PDE1C: variants seen among roughly 807,000 people sequenced by gnomAD.
PDE1C encodes phosphodiesterase 1C.
In PDE1C, 62 loss-of-function variants were observed where a neutral mutation model predicts 93.1. That is an observed-to-expected ratio of 0.67 (90% CI 0.54 to 0.82). The LOEUF (loss-of-function observed/expected upper bound fraction) is 0.82. Ranked by LOEUF, PDE1C falls within the 40% of genes least tolerant of loss-of-function variation. The pLI is 0.00. For synonymous variants in PDE1C, 325 were observed against 310.1 expected (o/e 1.05, Z -0.50); for missense variants, 742 against 884.6 (o/e 0.84, Z 2.04).
intron 1 of PDE1C, among the ~76,000 whole-genome samples, chr7:32,069,717 A>C (rs1795800866): frequency 6.6e-6 from 1 of 152,028 alleles, no homozygotes; most frequent in African/African-American, 2.4e-5. Context: ...TTGCAAGAAA[A>C]CCCCAATATC....
chr7:31,972,846 C>T (rs564752040), intron 2 of PDE1C, among the ~76,000 whole-genome samples: 2 of 152,210 alleles, frequency 1.3e-5, no homozygotes, highest in African/African-American at 2.4e-5. Context: ...CCAGGCAGCC[C>T]GAGGAAGCAC....
intron 3 of PDE1C, among the ~76,000 whole-genome samples, chr7:32,124,940 C>T (rs570303502): frequency 6.6e-6 from 1 of 152,144 alleles, no homozygotes; most frequent in African/African-American, 2.4e-5. Context: ...AGGCAACCTA[C>T]AGAATGGGAG....
intron 1 of PDE1C, among the ~76,000 whole-genome samples, chr7:32,285,647 G>A (rs989436415): frequency 6.6e-6 from 1 of 150,836 alleles, no homozygotes; most frequent in Non-Finnish European, 1.5e-5. Flanking sequence ...GCTGAAGAAA[G>A]GGAAAAGAAA....
chr7:31,865,124 G>C (rs372969808), intron 6 of PDE1C, 42 bp from the exon 7 acceptor site: 4 of 1,608,754 alleles, frequency 2.5e-6, no homozygotes, highest in Non-Finnish European at 3.4e-6. Context: ...TGACTTCACT[G>C]CTTTCAATGG....
chr7:31,964,010 A>G (rs1338666266), intron 2 of PDE1C, among the ~76,000 whole-genome samples: 4 of 152,212 alleles, frequency 2.6e-5, no homozygotes, highest in Non-Finnish European at 5.9e-5. Context: ...GCTGGGAGCT[A>G]TCTACAGCTC....
intron 1 of PDE1C, among the ~76,000 whole-genome samples, chr7:32,237,451 A>G (rs1374744849): frequency 6.6e-6 from 1 of 152,014 alleles, no homozygotes; most frequent in African/African-American, 2.4e-5. Context: ...GGATTACACA[A>G]TGGAGTTTCT....
chr7:32,013,576 G>T (rs1787460884), intron 2 of PDE1C, among the ~76,000 whole-genome samples: 1 of 152,152 alleles, frequency 6.6e-6, no homozygotes, highest in African/African-American at 2.4e-5. Context: ...CAAAGGCAGA[G>T]GAGAATAAAG....
intron 9 of PDE1C, among the ~76,000 whole-genome samples, chr7:31,841,173 CAATGGTTTGCTGCT>C (rs1036184974): frequency 6.7e-6 from 1 of 149,916 alleles, no homozygotes; most frequent in African/African-American, 2.5e-5. Flanking sequence ...TTTTATTTTC[CAATGGTTTGCTGCT>C]AGTGTCTCTC....
intron 7 of PDE1C, among the ~76,000 whole-genome samples, chr7:31,859,101 T>C (rs1040569881): frequency 6.8e-6 from 1 of 147,854 alleles, no homozygotes. Flanking sequence ...GAAACTATCA[T>C]AATATATGAT....
At chr7:31,707,507 T>C in the PDE1C span, 5 of 501,250 alleles carry the variant, frequency 1.0e-5, no homozygotes, top group East Asian at 6.6e-5. Context: ...TTTTATTTTC[T>C]AATGCAGTGG....
intron 2 of PDE1C, among the ~76,000 whole-genome samples, chr7:31,904,642 T>C (rs534482628): frequency 3.3e-5 from 5 of 151,916 alleles, no homozygotes; most frequent in Admixed American, 6.6e-5. Flanking sequence ...AGGTGGTCCA[T>C]CATTTCTCTA....
At chr7:31,969,087 TA>T in intron 2 of PDE1C, among the ~76,000 whole-genome samples, 1 of 152,276 alleles carries the variant, frequency 6.6e-6, no homozygotes, top group Non-Finnish European at 1.5e-5. Context: ...ATTCCAGGTC[TA>T]AAACACCAAA....
intron 1 of PDE1C, among the ~76,000 whole-genome samples, chr7:32,368,688 TAGCCAAAGCAATCCTA>T (rs1784269504): frequency 6.6e-6 from 1 of 152,030 alleles, no homozygotes; most frequent in Admixed American, 6.6e-5. Context: ...AAAGACACAA[TAGCCAAAGCAATCCTA>T]AGCAAAAAGA....
intron 1 of PDE1C, among the ~76,000 whole-genome samples, chr7:32,400,635 T>C (rs1784924282): frequency 6.6e-6 from 1 of 152,222 alleles, no homozygotes; most frequent in Non-Finnish European, 1.5e-5. Flanking sequence ...GAGTTCACAT[T>C]GGAAAACACT....
At chr7:31,858,705 CATG>C (rs1230751712) in intron 7 of PDE1C, among the ~76,000 whole-genome samples, 1 of 152,016 alleles carries the variant, frequency 6.6e-6, no homozygotes, top group Non-Finnish European at 1.5e-5. Context: ...TGTTGCTAGT[CATG>C]ATTACTTATG....
chr7:31,628,692 G>A, the PDE1C span, among the ~76,000 whole-genome samples: 1 of 152,020 alleles, frequency 6.6e-6, no homozygotes, highest in Admixed American at 6.6e-5. Context: ...TCCTGACCTT[G>A]TGATCCGCCC....
At chr7:32,372,460 C>T (rs887242908) in intron 1 of PDE1C, among the ~76,000 whole-genome samples, 2 of 152,132 alleles carry the variant, frequency 1.3e-5, no homozygotes, top group African/African-American at 2.4e-5. Context: ...AAGTTCGACC[C>T]TTCCTCACAC....
chr7:32,205,951 T>C (rs192434632), intron 2 of PDE1C, among the ~76,000 whole-genome samples: 2 of 152,272 alleles, frequency 1.3e-5, no homozygotes, highest in East Asian at 3.9e-4. Context: ...ACTGTAACAC[T>C]CACCAGGTGG....
intron 2 of PDE1C, among the ~76,000 whole-genome samples, chr7:31,952,206 C>G (rs1807462318): frequency 6.6e-6 from 1 of 152,082 alleles, no homozygotes; most frequent in Non-Finnish European, 1.5e-5. Context: ...AGTATAAATT[C>G]CCTACCCTTC....
Sources: allele counts gnomAD v4.1 joint callset (sites outside exome capture counted in the v4.1 genomes callset), GRCh38; gene constraint gnomAD v4.1.1; transcripts MANE v1.5; gene names NCBI Gene and HGNC (gene_info 2026-07-23, HGNC 2026-07-21).